Variants in SLAIN2 observed in about 807,000 individuals in gnomAD.
SLAIN2 encodes SLAIN family member 2, also known as SLAIN motif-containing protein 2.
A neutral mutation model predicts 56.6 loss-of-function variants in SLAIN2; 31 were observed. The ratio of observed to expected loss-of-function variants is 0.55; its 90% CI spans 0.41 to 0.74. The LOEUF is 0.74. SLAIN2 is among the 30% of genes least tolerant of loss of function. The pLI, the probability that SLAIN2 is intolerant of heterozygous loss-of-function variation, is 0.00. For missense variants in SLAIN2, 777 were observed against 754.2 expected (o/e 1.03, Z -0.35); for synonymous variants, 317 against 284.9 (o/e 1.11, Z -1.13).
intron 1 of SLAIN2, among the ~76,000 whole-genome samples, chr4:48,349,781 T>G (rs1714963364): frequency 6.6e-6 from 1 of 152,224 alleles, no homozygotes; most frequent in Non-Finnish European, 1.5e-5. Flanking sequence ...GTAGTAAGAT[T>G]ATATATCACA....
chr4:48,384,399 G>A (rs1716049143), intron 6 of SLAIN2, among the ~76,000 whole-genome samples: 2 of 152,026 alleles, frequency 1.3e-5, no homozygotes, highest in South Asian at 4.1e-4. Flanking sequence ...TGTTTGTTAA[G>A]GCTATTTTAA....
intron 1 of SLAIN2, among the ~76,000 whole-genome samples, chr4:48,348,647 G>A (rs957401349): frequency 1.4e-5 from 2 of 145,652 alleles, no homozygotes; most frequent in Non-Finnish European, 3.0e-5. Context: ...CTGAGATCAC[G>A]CCATTATACT....
At chr4:48,359,001 A>G (rs1431557248) in intron 1 of SLAIN2, among the ~76,000 whole-genome samples, 2 of 152,154 alleles carry the variant, frequency 1.3e-5, no homozygotes, top group Non-Finnish European at 2.9e-5. Context: ...GATTACAGGC[A>G]TGAGCCACCA....
At chr4:48,354,466 ATTT>A (rs35476700) in intron 1 of SLAIN2, among the ~76,000 whole-genome samples, 1 of 150,448 alleles carries the variant, frequency 6.6e-6, no homozygotes, top group African/African-American at 2.4e-5. Flanking sequence ...TGTTACGGAT[ATTT>A]TTTTTTTTCC....
chr4:48,386,861 C>A (rs536138173), intron 6 of SLAIN2, among the ~76,000 whole-genome samples: 1 of 152,120 alleles, frequency 6.6e-6, no homozygotes, highest in Non-Finnish European at 1.5e-5. Context: ...AAAAAACCAC[C>A]CACAATGTTA....
intron 6 of SLAIN2, among the ~76,000 whole-genome samples, chr4:48,406,464 C>T (rs1034902130): frequency 2.1e-4 from 31 of 150,822 alleles, no homozygotes; most frequent in African/African-American, 6.3e-4. Flanking sequence ...ATAACATTAG[C>T]GTAACATACA....
chr4:48,342,193 A>G, intron 1 of SLAIN2, 65 bp downstream of exon 1: 1 of 1,325,832 alleles, frequency 7.5e-7, no homozygotes, highest in Non-Finnish European at 9.6e-7. Flanking sequence ...GCGTCCTCTG[A>G]GGGTCCCTCT....
At chr4:48,342,326 TGTA>T (rs1326810515) in intron 1 of SLAIN2, among the ~76,000 whole-genome samples, 198 bp downstream of exon 1, 5 of 152,340 alleles carry the variant, frequency 3.3e-5, no homozygotes, top group African/African-American at 1.2e-4. Context: ...GTAACAGGGT[TGTA>T]GCTCGTTGTC....
chr4:48,346,036 A>G (rs944507332), intron 1 of SLAIN2, among the ~76,000 whole-genome samples: 1 of 152,214 alleles, frequency 6.6e-6, no homozygotes, highest in African/African-American at 2.4e-5. Context: ...CTCTGCCTAC[A>G]AGATTCTTAC....
intron 6 of SLAIN2, among the ~76,000 whole-genome samples, chr4:48,410,802 TTAAC>T (rs1716825161): frequency 6.6e-6 from 1 of 152,210 alleles, no homozygotes; most frequent in Non-Finnish European, 1.5e-5. Context: ...CAACATCAGA[TTAAC>T]TAACATCAGC....
At chr4:48,345,640 G>C (rs1489562847) in intron 1 of SLAIN2, among the ~76,000 whole-genome samples, 1 of 151,180 alleles carries the variant, frequency 6.6e-6, no homozygotes, top group Non-Finnish European at 1.5e-5. Context: ...TTTGTGTAAC[G>C]GATTTTTTTT....
chr4:48,343,465 AGTG>A (rs1213164799), intron 1 of SLAIN2, among the ~76,000 whole-genome samples: 2 of 152,220 alleles, frequency 1.3e-5, no homozygotes, highest in Admixed American at 1.3e-4. Flanking sequence ...GTGATTCTTA[AGTG>A]TTGATCCCTG....
At chr4:48,406,103 A>AT (rs1263276663) in intron 6 of SLAIN2, among the ~76,000 whole-genome samples, 3 of 152,120 alleles carry the variant, frequency 2.0e-5, no homozygotes, top group African/African-American at 7.2e-5. Context: ...GTATGACAAG[A>AT]TTGGCTGGTC....
Position 48,352,744 on chromosome 4 carries a change from C to T in SLAIN2, c.389+10616C>T, listed in dbSNP as rs556057959. Among the ~76,000 whole-genome samples, 7 of 152,288 alleles carry T rather than the reference C, an allele frequency of 4.6e-5. No homozygotes were observed. In the East Asian group the frequency reaches 5.8e-4, roughly 13 times the overall value. On this transcript the variant is annotated intron_variant, in intron 1 of 7. Transcript: ENST00000264313. Reference sequence around the variant, plus strand: ...AGTACTGTATTGCAGTAATAAGTTTCGTATTCTAGTTACTTTGCTCCATTT... The same window carrying T: ...AGTACTGTATTGCAGTAATAAGTTTTGTATTCTAGTTACTTTGCTCCATTT...
intron 1 of SLAIN2, among the ~76,000 whole-genome samples, chr4:48,367,381 A>G (rs1237424539): frequency 4.6e-5 from 7 of 152,228 alleles, no homozygotes; most frequent in South Asian, 2.1e-4. Flanking sequence ...TTTCATCACT[A>G]TGAATAAGTG....
intron 6 of SLAIN2, among the ~76,000 whole-genome samples, chr4:48,400,964 G>C (rs1716538406): frequency 6.6e-6 from 1 of 152,108 alleles, no homozygotes; most frequent in South Asian, 2.1e-4. Flanking sequence ...TGCCTTAGCT[G>C]CATCCTAGAG....
At chr4:48,383,840 T>A in intron 6 of SLAIN2, 56 bp downstream of exon 6, 1 of 1,540,906 alleles carries the variant, frequency 6.5e-7, no homozygotes, top group Non-Finnish European at 8.8e-7. Flanking sequence ...AGTGAAAATT[T>A]TAGATATTTG....
intron 6 of SLAIN2, among the ~76,000 whole-genome samples, chr4:48,386,083 A>G (rs1183630728): frequency 7.0e-6 from 1 of 143,246 alleles, no homozygotes; most frequent in Non-Finnish European, 1.5e-5. Flanking sequence ...ACTCCAGTCT[A>G]TTGAAAGAAA....
intron 4 of SLAIN2, 92 bp from the exon 5 acceptor site, chr4:48,382,476 G>C: frequency 7.7e-7 from 1 of 1,303,620 alleles, no homozygotes. Flanking sequence ...CACCCTCTTT[G>C]AATTTTTCAG....
Sources: allele counts gnomAD v4.1 joint callset (sites outside exome capture counted in the v4.1 genomes callset), GRCh38; gene constraint gnomAD v4.1.1; transcripts MANE v1.5; gene names NCBI Gene and HGNC (gene_info 2026-07-23, HGNC 2026-07-21).